The following XKR4 variants were observed in gnomAD, a reference collection of about 807,000 sequenced individuals.
XKR4 encodes the protein XK related 4.
Under a neutral mutation model 53.9 loss-of-function variants are expected in XKR4, and 12 were observed. The ratio of observed to expected loss-of-function variants is 0.22; its 90% CI spans 0.14 to 0.36. The LOEUF is 0.36. Ranked by LOEUF, XKR4 falls within the 10% of genes least tolerant of loss-of-function variation. XKR4 has a pLI of 1.00. For synonymous variants in XKR4, 354 were observed against 362.4 expected (o/e 0.98, Z 0.26); for missense variants, 799 against 859.5 (o/e 0.93, Z 0.88).
intron 1 of XKR4, among the ~76,000 whole-genome samples, chr8:55,326,229 G>T (rs781239189): frequency 6.6e-6 from 1 of 152,104 alleles, no homozygotes; most frequent in Non-Finnish European, 1.5e-5. Context: ...CACCTGGGTG[G>T]GGATGTTGGC....
At chr8:55,260,134 A>C (rs777292988) in intron 1 of XKR4, among the ~76,000 whole-genome samples, 1 of 152,212 alleles carries the variant, frequency 6.6e-6, no homozygotes, top group Non-Finnish European at 1.5e-5. Context: ...TACCAGGCAC[A>C]GTGGGCGCTT....
intron 2 of XKR4, among the ~76,000 whole-genome samples, chr8:55,369,896 T>A (rs2979058): frequency 0.091 from 13,900 of 152,182 alleles, 709 homozygotes; most frequent in South Asian, 0.12. Flanking sequence ...TGATAAACAC[T>A]TTAAGAACTA....
intron 1 of XKR4, among the ~76,000 whole-genome samples, chr8:55,319,480 T>A (rs1339237060): frequency 6.6e-6 from 1 of 152,230 alleles, no homozygotes; most frequent in Non-Finnish European, 1.5e-5. Flanking sequence ...TTGCGATGTT[T>A]CTAAAGGCCA....
Position 55,528,273 on chromosome 8 carries a change from T to A in XKR4, c.*4046T>A, listed in dbSNP as rs904372689. 6 of 152,234 alleles carry A rather than the reference T, an allele frequency of 3.9e-5. No individual in the cohort carries two copies. Among genetic ancestry groups the A allele is most frequent in the Admixed American group, 2.0e-4 (3 of 15,284 alleles). The allele number at this position is 152,234 out of a possible 1,614,324, so 9.4% of individuals were successfully genotyped here. Reference sequence around the variant, plus strand: ...AATGAGTTTTATCACTTCTTAAGGATCTCATCTTTTAAACAGCTGAATAAA... The same window carrying A: ...AATGAGTTTTATCACTTCTTAAGGAACTCATCTTTTAAACAGCTGAATAAA... On this transcript the variant is annotated 3_prime_UTR_variant, in exon 3 of 3. Coordinates refer to ENST00000327381, the MANE Select transcript of XKR4 (RefSeq NM_052898.2).
chr8:55,493,422 G>A (rs559541639), intron 2 of XKR4, among the ~76,000 whole-genome samples: 1 of 152,326 alleles, frequency 6.6e-6, no homozygotes, highest in East Asian at 1.9e-4. Context: ...ACCTGCCTCT[G>A]CCATAAGCAG....
intron 1 of XKR4, among the ~76,000 whole-genome samples, chr8:55,348,293 G>A (rs1424131079): frequency 6.6e-6 from 1 of 152,146 alleles, no homozygotes; most frequent in East Asian, 1.9e-4. Flanking sequence ...TCATGGCAGC[G>A]TGCTTGTCAT....
At chr8:55,139,220 C>T (rs1429035350) in intron 1 of XKR4, among the ~76,000 whole-genome samples, 1 of 152,150 alleles carries the variant, frequency 6.6e-6, no homozygotes, top group Non-Finnish European at 1.5e-5. Flanking sequence ...TGAGAAGGGA[C>T]TTGCAATAAG....
In XKR4 at chr8:55,523,489, C is replaced by T. The variant is rs747519190; in HGVS notation, c.1215C>T (p.Ile405=). The part of the protein sequence containing the change: ...SVFQLYFGIF[I]VLHWCIMTFW... Reference sequence around the variant, plus strand: ...TCCAGCTGTACTTTGGGATCTTCATCGTCCTTCACTGGTGCATCATGACCT... The same window carrying T: ...TCCAGCTGTACTTTGGGATCTTCATTGTCCTTCACTGGTGCATCATGACCT... The change falls in exon 3 of 3, where the codon ATC becomes ATT. Residue 405 remains isoleucine, a synonymous_variant. Transcript: ENST00000327381. 3 of 1,614,232 alleles carry T rather than the reference C, an allele frequency of 1.9e-6. No individual in the cohort carries two copies. Among genetic ancestry groups the T allele is most frequent in the East Asian group, 4.5e-5 (2 of 44,888 alleles).
chr8:55,375,204 G>T (rs1215793290), intron 2 of XKR4, among the ~76,000 whole-genome samples: 1 of 152,226 alleles, frequency 6.6e-6, no homozygotes, highest in Non-Finnish European at 1.5e-5. Flanking sequence ...TAATTTTAAA[G>T]ATCTAAATTG....
At chr8:55,461,124 T>A (rs1011577406) in intron 2 of XKR4, among the ~76,000 whole-genome samples, 1 of 151,928 alleles carries the variant, frequency 6.6e-6, no homozygotes, top group Admixed American at 6.6e-5. Flanking sequence ...TTGAAGAGAG[T>A]AGTGGTTCTC....
At chr8:55,135,975 C>A (rs1487824947) in intron 1 of XKR4, among the ~76,000 whole-genome samples, 1 of 151,802 alleles carries the variant, frequency 6.6e-6, no homozygotes, top group Non-Finnish European at 1.5e-5. Flanking sequence ...CTCACTGCAA[C>A]CTCCGCCTCC....
At chr8:55,465,621 C>T (rs370156843) in intron 2 of XKR4, among the ~76,000 whole-genome samples, 161 of 149,568 alleles carry the variant, frequency 1.1e-3, no homozygotes, top group African/African-American at 3.8e-3. Context: ...GCAACAAAAG[C>T]CAAAATTGAC....
At chr8:55,196,430 G>C (rs368203911) in intron 1 of XKR4, among the ~76,000 whole-genome samples, 1 of 152,098 alleles carries the variant, frequency 6.6e-6, no homozygotes, top group Non-Finnish European at 1.5e-5. Context: ...TGATCTGCCC[G>C]CCTCAGCCTC....
chr8:55,144,659 T>TA (rs1205523969), intron 1 of XKR4, among the ~76,000 whole-genome samples: 1 of 151,968 alleles, frequency 6.6e-6, no homozygotes, highest in Non-Finnish European at 1.5e-5. Flanking sequence ...CAAAACAACA[T>TA]AAAAAAGAGG....
At chr8:55,164,518 C>T in intron 1 of XKR4, 1 of 442,014 alleles carries the variant, frequency 2.3e-6, no homozygotes, top group Non-Finnish European at 4.6e-6. Flanking sequence ...TGCTGGTACT[C>T]AGAAAATGTT....
At chr8:55,155,098 A>T (rs1019031182) in intron 1 of XKR4, among the ~76,000 whole-genome samples, 5 of 152,150 alleles carry the variant, frequency 3.3e-5, no homozygotes, top group Non-Finnish European at 7.4e-5. Context: ...CTCTAGAGAA[A>T]TTGATTCAGA....
rs1004113441 is a variant in XKR4 at position 55,432,449 on chromosome 8, C to G, written c.1006+74572C>G. ...TTTAGTGCCCCTGTGCTGCAGTAAA[C>G]AGCCTCCTCCCTGTATGATCCTTGC... On this transcript the variant is annotated intron_variant, in intron 2 of 2. Coordinates refer to ENST00000327381, the MANE Select transcript of XKR4 (RefSeq NM_052898.2). 5.3e-5 allele frequency among the ~76,000 whole-genome samples: 8 copies of G among 152,338 alleles called. No homozygotes were observed. In the South Asian group the frequency reaches 8.3e-4, roughly 16 times the overall value.
At chr8:55,298,842 C>T (rs909749643) in intron 1 of XKR4, among the ~76,000 whole-genome samples, 6 of 152,136 alleles carry the variant, frequency 3.9e-5, no homozygotes, top group African/African-American at 1.4e-4. Flanking sequence ...TTTTTCTGAG[C>T]TATTCGAGAA....
At chr8:55,406,621 C>T (rs1477694475) in intron 2 of XKR4, among the ~76,000 whole-genome samples, 4 of 152,218 alleles carry the variant, frequency 2.6e-5, no homozygotes, top group African/African-American at 9.7e-5. Flanking sequence ...ACCACTTGAT[C>T]CCAGCTCCCT....
Sources: gnomAD v4.1 joint callset for allele counts (sites outside exome capture counted in the v4.1 genomes callset) on GRCh38, gnomAD v4.1.1 for gene constraint, MANE v1.5 for transcripts, NCBI Gene and HGNC (gene_info 2026-07-23, HGNC 2026-07-21) for gene names.